The following TDRD3 variants were observed in gnomAD, a reference collection of about 807,000 sequenced individuals.
TDRD3 encodes the protein tudor domain-containing protein 3.
Under a neutral mutation model 86.7 loss-of-function variants are expected in TDRD3, and 45 were observed. That is an observed-to-expected ratio of 0.52 (90% CI 0.41 to 0.67). The LOEUF (loss-of-function observed/expected upper bound fraction) is 0.67, where lower values mean the gene tolerates loss of function less well. Among genes scored for constraint, TDRD3 ranks in the 30% least tolerant of loss-of-function variants. The pLI is 0.00. For synonymous variants in TDRD3, 298 were observed against 301.7 expected, an observed-to-expected ratio of 0.99 and a Z score of 0.13; for missense variants, 814 against 889.0, an observed-to-expected ratio of 0.92 and a Z score of 1.07.
intron 12 of TDRD3, among the ~76,000 whole-genome samples, chr13:60,556,498 A>T (rs561794560): frequency 3.3e-4 from 51 of 152,352 alleles, no homozygotes; most frequent in Admixed American, 3.3e-3. Context: ...TTGGGAAAAT[A>T]ATTCTCTACA....
intron 3 of TDRD3, among the ~76,000 whole-genome samples, chr13:60,448,304 A>G (rs1214569498): frequency 6.6e-6 from 1 of 152,138 alleles, no homozygotes; most frequent in African/African-American, 2.4e-5. Context: ...GCCTTCAGAA[A>G]GGCGTCGTCC....
intron 1 of TDRD3, among the ~76,000 whole-genome samples, chr13:60,437,629 A>G (rs1011702381): frequency 3.3e-5 from 5 of 150,956 alleles, no homozygotes; most frequent in Admixed American, 1.3e-4. Context: ...AATCTATTAT[A>G]ATTTAAATTA....
chr13:60,539,685 C>T (rs910614440), intron 12 of TDRD3, among the ~76,000 whole-genome samples: 1 of 151,416 alleles, frequency 6.6e-6, no homozygotes, highest in Non-Finnish European at 1.5e-5. Flanking sequence ...TAATGTCATC[C>T]TGGGAAGCAC....
chr13:60,478,801 CTT>C lies in TDRD3; in HGVS notation c.496-4955_496-4954del, dbSNP rs202146264. On this transcript the variant is annotated intron_variant, in intron 5 of 13. Transcript: ENST00000377881. ...CAACATTAGATTGTTAATTTGAGGA[CTT>C]TTTTTTTTTTTTTTTTTTGAGATGG... is the stretch of plus-strand genomic sequence containing the variant. Among the ~76,000 whole-genome samples, 334 of 104,386 alleles carry C rather than the reference CTT, an allele frequency of 3.2e-3. 1 individual carries two copies. Among genetic ancestry groups the C allele is most frequent in the African/African-American group, 0.011 (297 of 27,208 alleles). 68.5% of individuals were successfully genotyped at this position (104,386 alleles called of 152,430 possible). A position where few individuals can be genotyped will look rare whatever the true frequency, so the allele number is the denominator to read the frequency against.
chr13:60,567,344 T>TTTTTC (rs141427579), intron 12 of TDRD3, among the ~76,000 whole-genome samples, 181 bp from the exon 13 acceptor site: 20,252 of 151,424 alleles, frequency 0.13, 1,635 homozygotes, highest in South Asian at 0.26. Flanking sequence ...TATCCCTGCC[T>TTTTTC]TTTTCTTTTC....
intron 5 of TDRD3, among the ~76,000 whole-genome samples, chr13:60,478,583 G>C (rs951867700): frequency 6.6e-5 from 10 of 152,122 alleles, no homozygotes; most frequent in African/African-American, 2.2e-4. Flanking sequence ...GGGATTACAG[G>C]CATGAGCTAC....
intron 10 of TDRD3, among the ~76,000 whole-genome samples, chr13:60,514,215 T>C (rs1400387430): frequency 6.6e-6 from 1 of 152,216 alleles, no homozygotes; most frequent in Non-Finnish European, 1.5e-5. Flanking sequence ...CCCTAGTGAT[T>C]TGTGGAACTT....
At chr13:60,570,221 T>A (rs915583875) in intron 13 of TDRD3, among the ~76,000 whole-genome samples, 1 of 151,580 alleles carries the variant, frequency 6.6e-6, no homozygotes, top group Non-Finnish European at 1.5e-5. Flanking sequence ...AGAAAAAAAA[T>A]AATAATCTGA....
At chr13:60,547,512 G>A (rs1957963430) in intron 12 of TDRD3, 1 of 568,972 alleles carries the variant, frequency 1.8e-6, no homozygotes, top group Non-Finnish European at 2.2e-6. Context: ...TAATATCTCT[G>A]GGTCCCAGTT....
intron 3 of TDRD3, among the ~76,000 whole-genome samples, chr13:60,446,761 G>A (rs1955409448): frequency 6.6e-6 from 1 of 152,070 alleles, no homozygotes; most frequent in South Asian, 2.1e-4. Flanking sequence ...TATTTTTGAT[G>A]TGAATGGAAT....
rs1235844293 is a variant in TDRD3 at position 60,487,747 on chromosome 13, CTT to C, written c.717+1801_717+1802del. The stretch of plus-strand genomic sequence containing the variant: ...GCTGCAGTAAATATGGGAGATATCT[CTT>C]TGACCCACTGCTTTCCTTTCCTTTG... On this transcript the variant is annotated intron_variant, in intron 7 of 13. Coordinates refer to ENST00000377881, the MANE Select transcript of TDRD3 (RefSeq NM_001146070.2). Among the ~76,000 whole-genome samples, 7 of 152,132 alleles carry C rather than the reference CTT, an allele frequency of 4.6e-5. No homozygotes were observed. The South Asian group carries it at 8.3e-4, about 18-fold the overall frequency.
Position 60,483,796 on chromosome 13 carries a change from A to G in TDRD3, c.517A>G (p.Ser173Gly). Residue 173 changes from serine (S) to glycine (G), a missense_variant, in exon 6 of 14, where the codon AGC (serine) becomes GGC (glycine). Coordinates refer to ENST00000377881, the MANE Select transcript of TDRD3 (RefSeq NM_001146070.2). ...LQRSLSKHNRSNIGTEGGPPP... is the reference protein window; with the variant it reads ...LQRSLSKHNRGNIGTEGGPPP... ...GCAGAGCTTATCAAAACACAATAGA[A>G]GCAATATTGGAACTGAAGGTGGACC... 1.2e-6 allele frequency: 2 copies of G among 1,613,260 alleles called. No homozygotes were observed. The highest frequency in any genetic ancestry group is 2.2e-5 in the East Asian group (1 of 44,808).
At chr13:60,556,720 C>A (rs1343078012) in intron 12 of TDRD3, among the ~76,000 whole-genome samples, 1 of 151,960 alleles carries the variant, frequency 6.6e-6, no homozygotes, top group Admixed American at 6.6e-5. Flanking sequence ...GAATGTTATT[C>A]TTAGTACTAG....
intron 12 of TDRD3, among the ~76,000 whole-genome samples, chr13:60,565,923 C>G (rs935088445): frequency 1.3e-5 from 2 of 152,050 alleles, no homozygotes; most frequent in African/African-American, 4.8e-5. Flanking sequence ...GATATAATAT[C>G]TGATACTTCT....
chr13:60,538,403 T>G (rs1436753835), intron 12 of TDRD3, among the ~76,000 whole-genome samples: 1 of 150,920 alleles, frequency 6.6e-6, no homozygotes, highest in Non-Finnish European at 1.5e-5. Context: ...TTTTTGGCTG[T>G]CTTAAGGTAT....
intron 10 of TDRD3, among the ~76,000 whole-genome samples, chr13:60,517,178 GT>G (rs1174974925): frequency 2.7e-5 from 4 of 147,642 alleles, no homozygotes; most frequent in African/African-American, 9.8e-5. Context: ...TTTTGGCTTT[GT>G]TTTTGCTTTT....
At chr13:60,525,086 CAAAAAA>C (rs372010456) in intron 10 of TDRD3, among the ~76,000 whole-genome samples, 1 of 39,742 alleles carries the variant, frequency 2.5e-5, no homozygotes, top group South Asian at 1.9e-3. Flanking sequence ...AATTTTCTCT[CAAAAAA>C]AAAAAAAAAA....
At chr13:60,434,708 GC>G (rs1159238774) in intron 1 of TDRD3, among the ~76,000 whole-genome samples, 3 of 152,086 alleles carry the variant, frequency 2.0e-5, no homozygotes, top group Middle Eastern at 3.4e-3. Flanking sequence ...AAAAAAGTGT[GC>G]TTTTGCTGGC....
At chr13:60,458,133 G>A (rs1264596840) in intron 3 of TDRD3, among the ~76,000 whole-genome samples, 1 of 152,066 alleles carries the variant, frequency 6.6e-6, no homozygotes, top group Non-Finnish European at 1.5e-5. Context: ...GGCATTTGGG[G>A]GCAGGTGTTC....
Sources: allele counts gnomAD v4.1 joint callset (sites outside exome capture counted in the v4.1 genomes callset), GRCh38; gene constraint gnomAD v4.1.1; transcripts MANE v1.5; gene names NCBI Gene and HGNC (gene_info 2026-07-23, HGNC 2026-07-21).